The following ASB8 variants were observed in gnomAD, a reference collection of about 807,000 sequenced individuals.
ASB8 encodes ankyrin repeat and SOCS box containing 8, also known as ankyrin repeat and SOCS box protein 8.
In ASB8, 15 loss-of-function variants were observed where a neutral mutation model predicts 22.9. The observed-to-expected ratio is 0.66, with a 90% CI of 0.44 to 1.01. ASB8 has a LOEUF of 1.01. ASB8 is among the 50% of genes least tolerant of loss of function. The pLI, the probability that ASB8 is intolerant of heterozygous loss-of-function variation, is 0.00. For missense variants in ASB8, 294 were observed against 356.9 expected (o/e 0.82, Z 1.42); for synonymous variants, 124 against 140.8 (o/e 0.88, Z 0.84).
intron 1 of ASB8, among the ~76,000 whole-genome samples, chr12:48,154,480 CAAAAAAAAAAA>C (rs11384481): frequency 1.4e-5 from 1 of 73,812 alleles, no homozygotes; most frequent in Non-Finnish European, 2.5e-5. Context: ...GACTCTATCT[CAAAAAAAAAAA>C]AAAAAAAAAG....
At chr12:48,152,599 G>C (rs1230261824) in intron 2 of ASB8, among the ~76,000 whole-genome samples, 2 of 152,192 alleles carry the variant, frequency 1.3e-5, no homozygotes, top group Non-Finnish European at 2.9e-5. Flanking sequence ...ATCCTCTACA[G>C]AGCTAGAAGT....
Position 48,148,672 on chromosome 12 carries a change from T to TTTG in ASB8, c.*693_*694insCAA, listed in dbSNP as rs985155961. The TTTG allele has an allele frequency of 3.4e-5, 5 of 147,436 alleles. No homozygotes were observed. Among genetic ancestry groups the TTTG allele is most frequent in the African/African-American group, 1.0e-4 (4 of 39,978 alleles). 9.1% of individuals were successfully genotyped at this position (147,436 alleles called of 1,614,324 possible). A position where few individuals can be genotyped will look rare whatever the true frequency, so the allele number is the denominator to read the frequency against. ...CAATTAAAATGGTTTTTTTTTTTTTTTTTTTTTTTTGAGACAGTTTTGCTC... is the reference window on the plus strand; with the variant it reads ...CAATTAAAATGGTTTTTTTTTTTTTTTTGTTTTTTTTTTGAGACAGTTTTGCTC... On this transcript the variant is annotated 3_prime_UTR_variant, in exon 4 of 4. Transcript: ENST00000317697.
At chr12:48,157,313 T>C (rs1161807757) in intron 1 of ASB8, 146 bp downstream of exon 1, 2 of 152,264 alleles carry the variant, frequency 1.3e-5, no homozygotes, top group Non-Finnish European at 2.9e-5. Flanking sequence ...ACCAACCCCC[T>C]CTTCGATCTG....
chr12:48,156,738 T>C (rs1951311378), intron 1 of ASB8, among the ~76,000 whole-genome samples: 1 of 152,100 alleles, frequency 6.6e-6, no homozygotes. Flanking sequence ...TAAGAACTCC[T>C]GAGAGTATGG....
intron 2 of ASB8, chr12:48,151,540 A>C: frequency 7.0e-7 from 1 of 1,437,662 alleles, no homozygotes; most frequent in African/African-American, 1.4e-5. Context: ...AAGTTTCTCC[A>C]CAAGGGAGGC....
At chr12:48,153,971 G>A (rs1323961963) in intron 1 of ASB8, 1 of 154,876 alleles carries the variant, frequency 6.5e-6, no homozygotes, top group Admixed American at 6.3e-5. Context: ...TCAACTGGAA[G>A]GCAAGGACTT....
At position 48,149,335 on chromosome 12, in the gene ASB8, G is replaced by T; in HGVS notation, c.*31C>A. The T allele has an allele frequency of 6.3e-7, 1 of 1,593,698 alleles. No homozygotes were observed. Among genetic ancestry groups the T allele is most frequent in the Non-Finnish European group, 8.6e-7 (1 of 1,166,692 alleles). On this transcript the variant is annotated 3_prime_UTR_variant, in exon 4 of 4. Coordinates refer to ENST00000317697, the MANE Select transcript of ASB8 (RefSeq NM_024095.5). ...TGCAGGGACAACCTCACCCAGAGCT[G>T]CCTGCACGATGGTGCAAACATCTTC...
chr12:48,148,368 T>G lies in ASB8; in HGVS notation c.*998A>C, dbSNP rs1401263648. 6.6e-6 allele frequency: 1 copy of G among 152,262 alleles called. No individual in the cohort carries two copies. Among genetic ancestry groups the G allele is most frequent in the African/African-American group, 2.4e-5 (1 of 41,470 alleles). The allele number at this position is 152,262 out of a possible 1,614,324, so 9.4% of individuals were successfully genotyped here. A position where few individuals can be genotyped will look rare whatever the true frequency, so the allele number is the denominator to read the frequency against. ...TCAGGACTTTAGGAGTTCTTAGGAC[T>G]GTTATTTCAGAGCTATTTATTACTG... On this transcript the variant is annotated 3_prime_UTR_variant, in exon 4 of 4. Transcript: ENST00000317697.
chr12:48,151,071 C>T lies in ASB8; in HGVS notation c.234+130G>A, dbSNP rs1479946848. On this transcript the variant is annotated intron_variant, in intron 3 of 3. Coordinates refer to ENST00000317697, the MANE Select transcript of ASB8 (RefSeq NM_024095.5). ...ACATTTTCCTTAATATTGGCTATGC[C>T]AACATTACCTTGAGTTAGAAGTTCA... 7 of 700,178 alleles carry T rather than the reference C, an allele frequency of 1.0e-5. No individual in the cohort carries two copies. The Admixed American group carries it at 1.6e-4, about 16-fold the overall frequency. The allele number at this position is 700,178 out of a possible 1,614,324, so 43.4% of individuals were successfully genotyped here. A position where few individuals can be genotyped will look rare whatever the true frequency, so the allele number is the denominator to read the frequency against.
At chr12:48,157,141 G>C (rs1397973632) in intron 1 of ASB8, 1 of 152,236 alleles carries the variant, frequency 6.6e-6, no homozygotes, top group Non-Finnish European at 1.5e-5. Context: ...GAGGGCCCGC[G>C]GCAGCTGTCT....
intron 3 of ASB8, chr12:48,150,902 C>G (rs1013058659): frequency 1.9e-6 from 1 of 530,268 alleles, no homozygotes; most frequent in African/African-American, 1.9e-5. Context: ...ACAAGGTAAG[C>G]TTCCTGAAGT....
At chr12:48,155,733 A>AT (rs1459796940) in intron 1 of ASB8, among the ~76,000 whole-genome samples, 15 of 114,050 alleles carry the variant, frequency 1.3e-4, no homozygotes, top group African/African-American at 5.0e-4. Flanking sequence ...CCATCTCAAA[A>AT]AAAAAAAAAA....
In ASB8 at chr12:48,153,388, C is replaced by A. The variant is rs1017141591; in HGVS notation, c.109G>T (p.Val37Leu). Residue 37 changes from valine to leucine, a missense_variant, in exon 2 of 4, where the codon GTA becomes TTA. Transcript: ENST00000317697. ...CTCACCCCTCTGATGAGGTCCTCTA[C>A]ATTATCATGTGGGAAGGAACGGATG... ...AAIRSFPHDNVEDLIRGGADV... is the reference protein window; with the variant it reads ...AAIRSFPHDNLEDLIRGGADV... The A allele has an allele frequency of 1.2e-6, 2 of 1,613,900 alleles. No individual in the cohort carries two copies. The highest frequency in any genetic ancestry group is 2.7e-5 in the African/African-American group (2 of 74,908).
chr12:48,150,008 G>A lies in ASB8; in HGVS notation c.235-10C>T, dbSNP rs774522685. 23 of 1,609,650 alleles carry A rather than the reference G, an allele frequency of 1.4e-5. No individual in the cohort carries two copies. Among genetic ancestry groups the A allele is most frequent in the African/African-American group, 2.7e-5 (2 of 74,784 alleles). Reference sequence around the variant, plus strand: ...CATCCAGGGCATTCACCTGTAAAAAGGGAGGAACTATTACAGTAGACAGAC... The same window carrying A: ...CATCCAGGGCATTCACCTGTAAAAAAGGAGGAACTATTACAGTAGACAGAC... On this transcript the variant is annotated splice_polypyrimidine_tract_variant and intron_variant, in intron 3 of 3. Transcript: ENST00000317697.
rs373410521 is a variant in ASB8 at position 48,150,152 on chromosome 12, G to C, written c.235-154C>G. Reference sequence around the variant, plus strand: ...ACTCCCAGGGAGTCCTGGTGATAAAGATGAAGATATGACAGGAGCTTAGGA... The same window carrying C: ...ACTCCCAGGGAGTCCTGGTGATAAACATGAAGATATGACAGGAGCTTAGGA... On this transcript the variant is annotated intron_variant, in intron 3 of 3. Transcript: ENST00000317697. 2.4e-4 allele frequency: 198 copies of C among 810,260 alleles called. 1 individual carries two copies. In the African/African-American group the frequency reaches 3.0e-3, roughly 12 times the overall value. The allele number at this position is 810,260 out of a possible 1,614,324, so 50.2% of individuals were successfully genotyped here.
At chr12:48,156,691 C>T (rs1040997389) in intron 1 of ASB8, among the ~76,000 whole-genome samples, 2 of 151,796 alleles carry the variant, frequency 1.3e-5, no homozygotes, top group African/African-American at 2.4e-5. Context: ...GAAACTAAAT[C>T]CTGAACTAAT....
At chr12:48,157,328 C>T (rs985796922) in intron 1 of ASB8, 131 bp downstream of exon 1, 10 of 152,268 alleles carry the variant, frequency 6.6e-5, no homozygotes, top group Admixed American at 3.9e-4. Context: ...GATCTGCCTT[C>T]TAAGGCCCGG....
rs1565926435 is a variant in ASB8, at chr12:48,149,841, G to A, written c.392C>T (p.Ala131Val). 1 of 1,614,186 alleles carries A rather than the reference G, an allele frequency of 6.2e-7. No individual in the cohort carries two copies. Among genetic ancestry groups the A allele is most frequent in the East Asian group, 2.2e-5 (1 of 44,886 alleles). ...CTCTAGGAGAGCCCGCACACACTCA[G>A]CATTGTTCTTAAAGGCTGCCCAGTG... ...PLHWAAFKNN[A>V]ECVRALLESG... Residue 131 changes from alanine (A) to valine (V), a missense_variant, in exon 4 of 4, where the codon GCT becomes GTT. Ala to Val is a moderately conservative substitution (Grantham distance 64, BLOSUM62 0). Transcript: ENST00000317697.
rs745913404 is a variant in ASB8 at position 48,156,986 on chromosome 12, G to GAAAAAAAAAAA, written c.-34+462_-34+472dup. The stretch of plus-strand genomic sequence containing the variant: ...ACCAAAGGGCACTTACTGAGAAGCT[G>GAAAAAAAAAAA]AAAAAAAAAAAAAAAAAAAGCAAAC... On this transcript the variant is annotated intron_variant, in intron 1 of 3. Coordinates refer to ENST00000317697, the MANE Select transcript of ASB8 (RefSeq NM_024095.5). 2.7e-4 allele frequency: 21 copies of GAAAAAAAAAAA among 77,348 alleles called. 1 individual carries two copies. Among genetic ancestry groups the GAAAAAAAAAAA allele is most frequent in the African/African-American group, 9.9e-4 (21 of 21,180 alleles). The allele number at this position is 77,348 out of a possible 1,614,324, so 4.8% of individuals were successfully genotyped here. A position where few individuals can be genotyped will look rare whatever the true frequency, so the allele number is the denominator to read the frequency against.
Sources: gnomAD v4.1 joint callset for allele counts (sites outside exome capture counted in the v4.1 genomes callset) on GRCh38, gnomAD v4.1.1 for gene constraint, MANE v1.5 for transcripts, NCBI Gene and HGNC (gene_info 2026-07-23, HGNC 2026-07-21) for gene names.